NOL10: variants seen among roughly 807,000 people sequenced by gnomAD.
NOL10 encodes H_NH0074G24.1.
In NOL10, 58 loss-of-function variants were observed where a neutral mutation model predicts 103.5. The observed-to-expected ratio is 0.56, with a 90% CI of 0.45 to 0.70. NOL10 has a LOEUF of 0.70. NOL10 is among the 30% of genes least tolerant of loss of function. The pLI, the probability that NOL10 is intolerant of heterozygous loss-of-function variation, is 0.00. For synonymous variants in NOL10, 287 were observed against 282.5 expected, an observed-to-expected ratio of 1.02 and a Z score of -0.16; for missense variants, 763 against 807.3, an observed-to-expected ratio of 0.95 and a Z score of 0.67.
intron 13 of NOL10, among the ~76,000 whole-genome samples, chr2:10,615,024 A>C (rs1676759600): frequency 6.6e-6 from 1 of 152,242 alleles, no homozygotes; most frequent in South Asian, 2.1e-4. Context: ...AGGCTTAATA[A>C]ATGATCATAA....
At chr2:10,684,225 G>A (rs1483013085) in intron 2 of NOL10, among the ~76,000 whole-genome samples, 3 of 150,678 alleles carry the variant, frequency 2.0e-5, no homozygotes, top group African/African-American at 7.3e-5. Flanking sequence ...GCAGTGAGCC[G>A]AGGTCACACC....
chr2:10,649,019 C>G (rs909482402), intron 12 of NOL10, among the ~76,000 whole-genome samples: 33 of 151,992 alleles, frequency 2.2e-4, no homozygotes, highest in African/African-American at 7.5e-4. Flanking sequence ...TTAGGAAAAC[C>G]TGAAAATGGA....
chr2:10,615,658 A>G (rs1676795729), intron 13 of NOL10, among the ~76,000 whole-genome samples: 1 of 152,250 alleles, frequency 6.6e-6, no homozygotes, highest in Non-Finnish European at 1.5e-5. Context: ...CAGTAATTTA[A>G]GAAACTTAAC....
At position 10,578,880 on chromosome 2, in the gene NOL10, C is replaced by T. The variant is rs191594901; in HGVS notation, c.1845-1142G>A. Among the ~76,000 whole-genome samples, 3 of 152,216 alleles carry T rather than the reference C, an allele frequency of 2.0e-5. No individual in the cohort carries two copies. The East Asian group carries it at 5.8e-4, about 29-fold the overall frequency. On this transcript the variant is annotated intron_variant, in intron 19 of 20. Coordinates refer to ENST00000381685, the MANE Select transcript of NOL10 (RefSeq NM_024894.4). ...AATATGGTTCTCTTCTATTCTGTTCCCTCCTCAAAAATAGTATACTGTCTC... is the reference window on the plus strand; with the variant it reads ...AATATGGTTCTCTTCTATTCTGTTCTCTCCTCAAAAATAGTATACTGTCTC...
Position 10,629,842 on chromosome 2 carries a change from T to A in NOL10, c.1026+14478A>T, listed in dbSNP as rs1284978853. Among the ~76,000 whole-genome samples, 3 of 152,358 alleles carry A rather than the reference T, an allele frequency of 2.0e-5. No individual in the cohort carries two copies. In the East Asian group the frequency reaches 5.8e-4, roughly 29 times the overall value. On this transcript the variant is annotated intron_variant, in intron 13 of 20. Coordinates refer to ENST00000381685, the MANE Select transcript of NOL10 (RefSeq NM_024894.4). The stretch of plus-strand genomic sequence containing the variant: ...TTATTTTGCTCAACATGATATTCCC[T>A]TCTAAAAGCTAAATAAAAGTCCATG...
intron 19 of NOL10, among the ~76,000 whole-genome samples, chr2:10,587,100 C>CAT (rs1162260152): frequency 3.0e-5 from 1 of 33,198 alleles, no homozygotes; most frequent in Non-Finnish European, 5.6e-5. Flanking sequence ...TATATATACA[C>CAT]ATATATATAC....
intron 13 of NOL10, among the ~76,000 whole-genome samples, chr2:10,616,480 A>T (rs1218253367): frequency 2.6e-5 from 4 of 151,996 alleles, no homozygotes; most frequent in Admixed American, 6.6e-5. Flanking sequence ...TTGGCCTCCC[A>T]AAGTGCTGGG....
At chr2:10,660,411 G>A (rs371619332) in intron 9 of NOL10, among the ~76,000 whole-genome samples, 4 of 152,146 alleles carry the variant, frequency 2.6e-5, no homozygotes, top group East Asian at 3.9e-4. Flanking sequence ...TCCACCTTCC[G>A]GTTCAAGCAA....
chr2:10,613,462 G>A (rs537070254), intron 13 of NOL10, among the ~76,000 whole-genome samples: 5 of 152,298 alleles, frequency 3.3e-5, no homozygotes, highest in South Asian at 2.1e-4. Context: ...TGCTGAGGCC[G>A]ATCAAGATAG....
At chr2:10,667,979 T>A (rs544314217) in intron 7 of NOL10, among the ~76,000 whole-genome samples, 38 of 152,266 alleles carry the variant, frequency 2.5e-4, no homozygotes, top group African/African-American at 8.7e-4. Context: ...ATATACACAA[T>A]GAGAAGTAAT....
Position 10,689,838 on chromosome 2 carries a change from C to A in NOL10, c.24G>T (p.Glu8Asp). 6.2e-7 allele frequency: 1 copy of A among 1,607,708 alleles called. No homozygotes were observed. The highest frequency in any genetic ancestry group is 2.2e-5 in the East Asian group (1 of 44,614). The change falls in exon 1 of 21, where the codon GAG (glutamate) becomes GAT (aspartate). Residue 8 changes from glutamate to aspartate, a missense_variant. Glu to Asp is a conservative substitution (Grantham distance 45). Coordinates refer to ENST00000381685, the MANE Select transcript of NOL10 (RefSeq NM_024894.4). MQVSSLN[E>D]VKIYSLSCGK... ...CGCAGCTGAGGCTGTAAATCTTCACCTCATTGAGGCTGGAGACCTGCATGG... is the reference window on the plus strand; with the variant it reads ...CGCAGCTGAGGCTGTAAATCTTCACATCATTGAGGCTGGAGACCTGCATGG...
intron 13 of NOL10, among the ~76,000 whole-genome samples, chr2:10,642,446 G>A (rs973277958): frequency 6.6e-6 from 1 of 152,140 alleles, no homozygotes; most frequent in African/African-American, 2.4e-5. Flanking sequence ...GGCAGCAAAA[G>A]TAATCTTTTC....
At position 10,644,374 on chromosome 2, in the gene NOL10, TA is replaced by T; in HGVS notation, c.974-3del. On this transcript the variant is annotated splice_polypyrimidine_tract_variant and splice_region_variant and intron_variant, in intron 12 of 20. Transcript: ENST00000381685. ...TTTCATTGGCCGTCAGAAGCATGCC[TA>T]AAAATAAATACAATGAAAAAGGTCA... The T allele has an allele frequency of 1.3e-6, 2 of 1,531,936 alleles. No individual in the cohort carries two copies. Among genetic ancestry groups the T allele is most frequent in the Non-Finnish European group, 1.8e-6 (2 of 1,140,216 alleles). 94.9% of individuals were successfully genotyped at this position (1,531,936 alleles called of 1,614,324 possible).
intron 1 of NOL10, among the ~76,000 whole-genome samples, chr2:10,685,916 G>GGCAGTCTC (rs1234399121): frequency 9.5e-6 from 1 of 105,316 alleles, no homozygotes. Context: ...AAAAAAAGCA[G>GGCAGTCTC]CTGGGCATGT....
At chr2:10,661,457 T>C (rs1572398365) in intron 9 of NOL10, among the ~76,000 whole-genome samples, 2 of 147,402 alleles carry the variant, frequency 1.4e-5, no homozygotes, top group Non-Finnish European at 1.5e-5. Context: ...CTGCAACCTC[T>C]GCCTCCCGGG....
chr2:10,602,995 T>A, intron 15 of NOL10, 83 bp downstream of exon 15: 2 of 1,274,518 alleles, frequency 1.6e-6, no homozygotes, highest in South Asian at 2.6e-5. Flanking sequence ...TATGTATGAT[T>A]TATGAAAGTG....
chr2:10,620,471 T>C (rs1677080461), intron 13 of NOL10, among the ~76,000 whole-genome samples: 1 of 152,194 alleles, frequency 6.6e-6, no homozygotes, highest in African/African-American at 2.4e-5. Flanking sequence ...GAGGCGGTCA[T>C]GCACGGAACT....
intron 13 of NOL10, among the ~76,000 whole-genome samples, chr2:10,626,712 A>G (rs1445165429): frequency 6.6e-6 from 1 of 152,016 alleles, no homozygotes; most frequent in Non-Finnish European, 1.5e-5. Context: ...GAACCAGGAG[A>G]CAAGGCCTTT....
chr2:10,636,626 A>G (rs981133967), intron 13 of NOL10, among the ~76,000 whole-genome samples: 3 of 146,826 alleles, frequency 2.0e-5, no homozygotes, highest in African/African-American at 7.6e-5. Flanking sequence ...AAAAAAAAAA[A>G]GTATCTTCTT....
Sources: gnomAD v4.1 joint callset for allele counts (sites outside exome capture counted in the v4.1 genomes callset) on GRCh38, gnomAD v4.1.1 for gene constraint, MANE v1.5 for transcripts, NCBI Gene and HGNC (gene_info 2026-07-23, HGNC 2026-07-21) for gene names.